The following LEO1 variants were observed in gnomAD, a reference collection of about 807,000 sequenced individuals.
LEO1 encodes LEO1 component of Paf1/RNA polymerase II complex.
In LEO1, 34 loss-of-function variants were observed where a neutral mutation model predicts 80.4. That is an observed-to-expected ratio of 0.42 (90% confidence interval 0.32 to 0.56). The LOEUF is 0.56. Among genes scored for constraint, LEO1 ranks in the 20% least tolerant of loss-of-function variants. The pLI, the probability that LEO1 is intolerant of heterozygous loss-of-function variation, is 0.10. For missense variants in LEO1, 631 were observed against 814.2 expected (o/e 0.77, Z 2.74); for synonymous variants, 262 against 274.9 (o/e 0.95, Z 0.46).
At chr15:51,970,034 C>T (rs1397637227) in intron 1 of LEO1, among the ~76,000 whole-genome samples, 1 of 152,008 alleles carries the variant, frequency 6.6e-6, no homozygotes, top group Admixed American at 6.6e-5. Flanking sequence ...TGTAAAATGG[C>T]TCAACCACTA....
intron 11 of LEO1, among the ~76,000 whole-genome samples, chr15:51,942,249 G>C (rs886567758): frequency 6.6e-6 from 1 of 152,130 alleles, no homozygotes; most frequent in Non-Finnish European, 1.5e-5. Context: ...TTTGTTGTCA[G>C]GGAAGGAAAG....
At chr15:51,960,602 C>T (rs2258248) in intron 4 of LEO1, 37 bp downstream of exon 4, 661,524 of 1,151,710 alleles carry the variant, frequency 0.57, 198,168 homozygotes, top group East Asian at 0.96. Flanking sequence ...AACTTTATGC[C>T]TGGCCTTGAA....
chr15:51,966,331 C>G lies in LEO1; in HGVS notation c.232G>C (p.Asp78His). ...DEGASHHSGS[D>H]NHSERSDNRS... ...TTGTCTGATCTTTCAGAGTGATTAT[C>G]ACTACCACTATGATGTGAAGCTCCC... Residue 78 changes from aspartate (D) to histidine (H), a missense_variant, in exon 2 of 12, where the codon GAT becomes CAT. This residue lies in a region of LEO1 where 394 missense variants were observed against 395.6 expected (regional missense o/e 1.00). Coordinates refer to ENST00000299601, the MANE Select transcript of LEO1 (RefSeq NM_138792.4). 6.2e-7 allele frequency: 1 copy of G among 1,614,150 alleles called. No individual in the cohort carries two copies. Among genetic ancestry groups the G allele is most frequent in the Non-Finnish European group, 8.5e-7 (1 of 1,180,022 alleles).
intron 1 of LEO1, among the ~76,000 whole-genome samples, chr15:51,967,833 A>G (rs1330811517): frequency 6.6e-6 from 1 of 152,272 alleles, no homozygotes; most frequent in East Asian, 1.9e-4. Context: ...GGAAGACAAA[A>G]GAAAACATAA....
intron 11 of LEO1, among the ~76,000 whole-genome samples, chr15:51,939,397 T>C (rs2056829061): frequency 6.6e-6 from 1 of 152,136 alleles, no homozygotes; most frequent in Non-Finnish European, 1.5e-5. Flanking sequence ...TCCTGCCTTA[T>C]TATCCCAAAT....
At chr15:51,950,076 A>G in intron 9 of LEO1, 82 bp from the exon 10 acceptor site, 1 of 1,143,310 alleles carries the variant, frequency 8.7e-7, no homozygotes, top group Non-Finnish European at 1.2e-6. Context: ...TACAAATAGC[A>G]TGTAATGTCT....
intron 2 of LEO1, among the ~76,000 whole-genome samples, chr15:51,963,897 CAAAAAAAA>C (rs1217618326): frequency 7.0e-5 from 4 of 57,534 alleles, no homozygotes; most frequent in Non-Finnish European, 1.3e-4. Flanking sequence ...GACTCTGTCT[CAAAAAAAA>C]AAAAAAAAAA....
At chr15:51,962,928 C>A (rs1230784999) in intron 2 of LEO1, among the ~76,000 whole-genome samples, 1 of 149,054 alleles carries the variant, frequency 6.7e-6, no homozygotes, top group African/African-American at 2.5e-5. Flanking sequence ...AGAACATGCC[C>A]CCCCCCCAAA....
In LEO1 at chr15:51,954,490, G is replaced by A. The variant is rs1235209457; in HGVS notation, c.1331C>T (p.Ser444Leu). ...KESNARIVKWSDGSMSLHLGN... is the reference protein window; with the variant it reads ...KESNARIVKWLDGSMSLHLGN... ...GGCGTTTTGTGCTCACCTTCCATCT[G>A]ACCACTTGACTATCCGAGCATTGCT... The change falls in exon 7 of 12, where the codon TCA becomes TTA. Residue 444 changes from serine (S) to leucine (L), a missense_variant. This residue lies in a region of LEO1 where 95 missense variants were observed against 171.7 expected (regional missense o/e 0.55). Transcript: ENST00000299601. 1 of 1,610,906 alleles carries A rather than the reference G, an allele frequency of 6.2e-7. No homozygotes were observed. Among genetic ancestry groups the A allele is most frequent in the African/African-American group, 1.3e-5 (1 of 74,946 alleles).
At chr15:51,950,266 G>A (rs1016557750) in intron 9 of LEO1, among the ~76,000 whole-genome samples, 7 of 152,210 alleles carry the variant, frequency 4.6e-5, no homozygotes, top group Admixed American at 4.6e-4. Context: ...CTGTGCTGGT[G>A]TTCTGTGCTG....
intron 9 of LEO1, among the ~76,000 whole-genome samples, chr15:51,951,540 C>T (rs778199490): frequency 6.6e-6 from 1 of 152,208 alleles, no homozygotes. Context: ...GGATTCTAAA[C>T]CACACATAGA....
At chr15:51,966,564 C>T in intron 1 of LEO1, 60 bp from the exon 2 acceptor site, 1 of 903,574 alleles carries the variant, frequency 1.1e-6, no homozygotes, top group Non-Finnish European at 1.7e-6. Flanking sequence ...AAGGCAGTCC[C>T]AAAGTCCATC....
chr15:51,965,686 A>C (rs2057068914), intron 2 of LEO1, 63 bp downstream of exon 2: 8 of 1,524,486 alleles, frequency 5.2e-6, no homozygotes, highest in Non-Finnish European at 7.0e-6. Flanking sequence ...TAAAGACTAA[A>C]TGGGTCCCTG....
At chr15:51,959,872 T>A in intron 5 of LEO1, 27 bp downstream of exon 5, 1 of 1,540,086 alleles carries the variant, frequency 6.5e-7, no homozygotes. Flanking sequence ...CTCAACATCC[T>A]GAAAAAATTT....
Position 51,966,422 on chromosome 15 carries a change from C to T in LEO1, c.141G>A (p.Gln47=). Residue 47 remains glutamine, a synonymous_variant, in exon 2 of 12, where the codon CAG becomes CAA. Coordinates refer to ENST00000299601, the MANE Select transcript of LEO1 (RefSeq NM_138792.4). ...GSNASGSESD[Q]DERGDSGQPS... ...GTTGTCCTGAATCACCTCTTTCATC[C>T]TGATCACTTTCACTTCCAGAGGCAT... The T allele has an allele frequency of 6.2e-7, 1 of 1,614,152 alleles. No homozygotes were observed. Among genetic ancestry groups the T allele is most frequent in the Non-Finnish European group, 8.5e-7 (1 of 1,179,984 alleles).
At chr15:51,958,008 G>A (rs535803564) in intron 6 of LEO1, among the ~76,000 whole-genome samples, 6 of 138,120 alleles carry the variant, frequency 4.3e-5, no homozygotes, top group South Asian at 2.3e-4. Flanking sequence ...GCGACACAGC[G>A]ATGCTCCTTC....
Position 51,953,186 on chromosome 15 carries a change from A to C in LEO1, c.1418T>G (p.Ile473Arg). Reference protein sequence around the residue: ...PLQGDHNHLFIRQGTGLQGQA... With the variant: ...PLQGDHNHLFRRQGTGLQGQA... ...TCCCTGTAGACCAGTACCTTGTCTT[A>C]TAAAAAGATGATTGTGGTCGCCCTG... The change falls in exon 8 of 12, where the codon ATA becomes AGA. Residue 473 changes from isoleucine (I) to arginine (R), a missense_variant. By Grantham distance (97) the Ile-to-Arg change is moderately conservative (BLOSUM62 -3). Around this residue, in one of 4 missense-constraint regions of LEO1, gnomAD observed 25 missense variants for 83.5 expected, o/e 0.30. Coordinates refer to ENST00000299601, the MANE Select transcript of LEO1 (RefSeq NM_138792.4). The C allele has an allele frequency of 6.2e-7, 1 of 1,613,934 alleles. No homozygotes were observed. The highest frequency in any genetic ancestry group is 1.1e-5 in the South Asian group (1 of 91,078).
chr15:51,939,652 C>T (rs773046442), intron 11 of LEO1, among the ~76,000 whole-genome samples: 9 of 152,216 alleles, frequency 5.9e-5, no homozygotes, highest in Non-Finnish European at 1.2e-4. Flanking sequence ...CATTCAATCA[C>T]ACTACTTGTC....
At chr15:51,954,221 C>T (rs1230363895) in intron 7 of LEO1, among the ~76,000 whole-genome samples, 1 of 150,856 alleles carries the variant, frequency 6.6e-6, no homozygotes, top group African/African-American at 2.4e-5. Flanking sequence ...CCGTGCCTGG[C>T]TCTTTTTTTT....
Sources: gnomAD v4.1 joint callset for allele counts (sites outside exome capture counted in the v4.1 genomes callset) on GRCh38, gnomAD v4.1.1 for gene constraint, gnomAD v4.1.1 regional missense constraint, MANE v1.5 for transcripts, NCBI Gene and HGNC (gene_info 2026-07-23, HGNC 2026-07-21) for gene names.